PCDHA11: variants seen among roughly 807,000 people sequenced by gnomAD.
PCDHA11 encodes the protein protocadherin alpha 11.
Under a neutral mutation model 70.3 loss-of-function variants are expected in PCDHA11, and 61 were observed. That is an observed-to-expected ratio of 0.87 (90% confidence interval 0.71 to 1.07). PCDHA11 has a LOEUF of 1.07. Among genes scored for constraint, PCDHA11 ranks in the 50% least tolerant of loss-of-function variants. The pLI, the probability that PCDHA11 is intolerant of heterozygous loss-of-function variation, is 0.00. For missense variants in PCDHA11, 1,324 were observed against 1,237.5 expected (o/e 1.07, Z -1.05); for synonymous variants, 633 against 555.1 (o/e 1.14, Z -1.97).
Position 140,870,502 on chromosome 5 carries a change from A to G in PCDHA11, c.1399A>G (p.Asn467Asp), listed in dbSNP as rs781840750. 9.3e-6 allele frequency: 15 copies of G among 1,614,222 alleles called. No homozygotes were observed. Among genetic ancestry groups the G allele is most frequent in the Non-Finnish European group, 1.2e-5 (14 of 1,180,042 alleles). Residue 467 changes from asparagine (N) to aspartate (D), a missense_variant, in exon 1 of 4, where the codon AAC (asparagine) becomes GAC (aspartate). Transcript: ENST00000398640. ...GTACACCGTGTTCGTGAAGGAGAAC[A>G]ACCCACCAGGCTGCCACATCTTCAC... is the stretch of plus-strand genomic sequence containing the variant. Reference protein sequence around the residue: ...PEYTVFVKENNPPGCHIFTVS... With the variant: ...PEYTVFVKENDPPGCHIFTVS...
intron 1 of PCDHA11, among the ~76,000 whole-genome samples, chr5:140,919,331 A>G (rs2079089725): frequency 6.6e-6 from 1 of 152,026 alleles, no homozygotes; most frequent in Non-Finnish European, 1.5e-5. Context: ...TTTACTTTCA[A>G]TCTGTTTGTA....
intron 3 of PCDHA11, among the ~76,000 whole-genome samples, chr5:140,996,928 G>A (rs114173550): frequency 6.6e-6 from 1 of 152,032 alleles, no homozygotes; most frequent in African/African-American, 2.4e-5. Flanking sequence ...AAAAAATATA[G>A]CATTTTTGCA....
At chr5:140,903,269 G>A (rs1251669520) in intron 1 of PCDHA11, among the ~76,000 whole-genome samples, 4 of 152,140 alleles carry the variant, frequency 2.6e-5, no homozygotes, top group African/African-American at 4.8e-5. Context: ...CAGGAGTGAG[G>A]TAGTGTCTCA....
chr5:140,922,072 A>G (rs1390677282), intron 1 of PCDHA11, among the ~76,000 whole-genome samples: 1 of 152,198 alleles, frequency 6.6e-6, no homozygotes. Flanking sequence ...AATCCCACTA[A>G]GCAAAAAGTG....
In PCDHA11 at chr5:140,884,542, G is replaced by T. The variant is rs1554181706; in HGVS notation, c.2391+13048G>T. 1.9e-6 allele frequency: 3 copies of T among 1,614,126 alleles called. No individual in the cohort carries two copies. In the Admixed American group the frequency reaches 5.0e-5, roughly 27 times the overall value. ...ACTCGCAGCAGAGGCGGCCGAGGGT[G>T]TGCTCTGGGGAGGGCCCGCATAAGA... On this transcript the variant is annotated intron_variant, in intron 1 of 3. Transcript: ENST00000398640.
intron 3 of PCDHA11, among the ~76,000 whole-genome samples, chr5:140,994,851 A>C (rs1178274121): frequency 1.3e-5 from 2 of 149,076 alleles, no homozygotes; most frequent in African/African-American, 5.2e-5. Flanking sequence ...AGATGAGTGC[A>C]TTTGATGGAT....
intron 1 of PCDHA11, chr5:140,966,581 G>A: frequency 1.9e-6 from 1 of 535,414 alleles, no homozygotes; most frequent in Non-Finnish European, 3.0e-6. Flanking sequence ...AGTCAGCGAG[G>A]ACGGTGGGGC....
chr5:140,884,967 G>A (rs895578956), intron 1 of PCDHA11, among the ~76,000 whole-genome samples: 2 of 152,134 alleles, frequency 1.3e-5, no homozygotes, highest in African/African-American at 4.8e-5. Context: ...CTCACGTTGT[G>A]AGAACTTAAA....
At position 140,877,853 on chromosome 5, in the gene PCDHA11, A is replaced by G. The variant is rs1299590962; in HGVS notation, c.2391+6359A>G. On this transcript the variant is annotated intron_variant, in intron 1 of 3. Transcript: ENST00000398640. ...CCTCCCAGTGAAGTAAGTTATTAAT[A>G]TTATTTAGATATATTTGTTTCCTTG... 2.0e-6 allele frequency: 3 copies of G among 1,535,406 alleles called. No homozygotes were observed. The East Asian group carries it at 7.1e-5, about 36-fold the overall frequency.
chr5:140,926,414 A>C, intron 1 of PCDHA11: 1 of 152,834 alleles, frequency 6.5e-6, no homozygotes, highest in Non-Finnish European at 1.5e-5. Context: ...ATCTGCGGGC[A>C]GAGGATGTGG....
intron 1 of PCDHA11, among the ~76,000 whole-genome samples, chr5:140,973,337 G>T (rs2096582330): frequency 6.6e-6 from 1 of 152,162 alleles, no homozygotes; most frequent in African/African-American, 2.4e-5. Flanking sequence ...TCGTTGTAAA[G>T]TGACATAGTA....
chr5:140,996,312 G>A (rs1397001765), intron 3 of PCDHA11, among the ~76,000 whole-genome samples: 2 of 152,186 alleles, frequency 1.3e-5, no homozygotes, highest in African/African-American at 2.4e-5. Flanking sequence ...CAAAGTAAGG[G>A]GGGAGGGTAG....
At position 140,869,757 on chromosome 5, in the gene PCDHA11, A is replaced by G; in HGVS notation, c.654A>G (p.Gly218=). The change falls in exon 1 of 4, where the codon GGA becomes GGG. Residue 218 remains glycine, a synonymous_variant. Coordinates refer to ENST00000398640, the MANE Select transcript of PCDHA11 (RefSeq NM_018902.5). ...LNLLLTATDG[G]KPELTGTVRL... ...TGCTGCTAACAGCTACAGACGGGGGAAAACCAGAGCTTACTGGCACCGTTC... is the reference window on the plus strand; with the variant it reads ...TGCTGCTAACAGCTACAGACGGGGGGAAACCAGAGCTTACTGGCACCGTTC... 3 of 1,613,264 alleles carry G rather than the reference A, an allele frequency of 1.9e-6. No homozygotes were observed. Among genetic ancestry groups the G allele is most frequent in the Non-Finnish European group, 2.5e-6 (3 of 1,179,748 alleles).
chr5:140,875,261 G>A lies in PCDHA11; in HGVS notation c.2391+3767G>A. ...CTTACATAATCAGTCACATGATGTC[G>A]CTCTACACTCAGAAGGTGAAACAGG... On this transcript the variant is annotated intron_variant, in intron 1 of 3. Transcript: ENST00000398640. 4.4e-6 allele frequency: 5 copies of A among 1,130,464 alleles called. No individual in the cohort carries two copies. In the South Asian group the frequency reaches 7.4e-5, roughly 17 times the overall value. 70.0% of individuals were successfully genotyped at this position (1,130,464 alleles called of 1,614,324 possible).
chr5:140,982,795 A>ATGTG (rs60616196), intron 3 of PCDHA11, among the ~76,000 whole-genome samples: 1 of 151,628 alleles, frequency 6.6e-6, no homozygotes, highest in African/African-American at 2.4e-5. Context: ...GCATGTGTGC[A>ATGTG]TGTGTGTGTG....
intron 1 of PCDHA11, among the ~76,000 whole-genome samples, chr5:140,946,757 C>T (rs1179265601): frequency 6.6e-6 from 1 of 151,268 alleles, no homozygotes; most frequent in Non-Finnish European, 1.5e-5. Context: ...ACTGCATGAT[C>T]TCATTCATGT....
chr5:140,938,245 C>T (rs1008412260), intron 1 of PCDHA11, among the ~76,000 whole-genome samples: 1 of 152,168 alleles, frequency 6.6e-6, no homozygotes, highest in South Asian at 2.1e-4. Context: ...CATGCCTGGT[C>T]TTTTAAAAAC....
intron 1 of PCDHA11, among the ~76,000 whole-genome samples, chr5:140,898,705 A>C (rs1351081569): frequency 1.3e-5 from 2 of 152,142 alleles, no homozygotes; most frequent in Admixed American, 1.3e-4. Flanking sequence ...ACTTTAAAGT[A>C]GTTTTTTCCA....
chr5:140,966,923 G>A (rs781929029), intron 1 of PCDHA11: 36 of 1,602,826 alleles, frequency 2.2e-5, no homozygotes, highest in Non-Finnish European at 3.0e-5. Context: ...AGAGGAGCAG[G>A]CACCCGGCGC....
Sources: gnomAD v4.1 joint callset for allele counts (sites outside exome capture counted in the v4.1 genomes callset) on GRCh38, gnomAD v4.1.1 for gene constraint, MANE v1.5 for transcripts, NCBI Gene and HGNC (gene_info 2026-07-23, HGNC 2026-07-21) for gene names.